Variants in ARHGEF3 observed in about 807,000 individuals in gnomAD.
ARHGEF3 encodes 59.8 kDA protein.
Under a neutral mutation model 63.2 loss-of-function variants are expected in ARHGEF3, and 28 were observed. The observed-to-expected ratio is 0.44, with a 90% CI of 0.33 to 0.61. The LOEUF (loss-of-function observed/expected upper bound fraction) is 0.61, where lower values mean the gene tolerates loss of function less well. ARHGEF3 is among the 20% of genes least tolerant of loss of function. The probability of loss-of-function intolerance (pLI) is 0.03; values close to 1 mark genes in which losing one functional copy is unlikely to be tolerated. For synonymous variants in ARHGEF3, 266 were observed against 254.2 expected (o/e 1.05, Z -0.44); for missense variants, 533 against 659.3 (o/e 0.81, Z 2.10).
chr3:56,748,373 AGC>A (rs2034521666), intron 6 of ARHGEF3, among the ~76,000 whole-genome samples: 1 of 152,070 alleles, frequency 6.6e-6, no homozygotes, highest in African/African-American at 2.4e-5. Context: ...AGAGAACCAA[AGC>A]TACTTGCTCA....
chr3:56,784,617 TG>T (rs2036713192), intron 1 of ARHGEF3, among the ~76,000 whole-genome samples: 1 of 152,172 alleles, frequency 6.6e-6, no homozygotes, highest in Non-Finnish European at 1.5e-5. Context: ...CGCTTCCCCT[TG>T]GGTGGGGTTG....
chr3:56,800,204 T>G lies in ARHGEF3; in HGVS notation c.96+1499A>C, dbSNP rs113407627. 7.3e-3 allele frequency among the ~76,000 whole-genome samples: 1,116 copies of G among 152,340 alleles called. 14 individuals carry two copies. Among genetic ancestry groups the G allele is most frequent in the African/African-American group, 0.025 (1,024 of 41,576 alleles). On this transcript the variant is annotated intron_variant, in intron 1 of 9. Transcript: ENST00000296315. ...TAGAGTCCTCAGCTATCCTCACTATTCTTTTCTTTGGCCCACTTCAATTTA... is the reference window on the plus strand; with the variant it reads ...TAGAGTCCTCAGCTATCCTCACTATGCTTTTCTTTGGCCCACTTCAATTTA...
At chr3:56,916,491 C>A in intron 3 of ARHGEF3, 1 of 1,386,250 alleles carries the variant, frequency 7.2e-7, no homozygotes, top group South Asian at 1.6e-5. Context: ...TGACAGGGGC[C>A]ATCAGTTACA....
chr3:56,745,764 C>T (rs974896441), intron 6 of ARHGEF3, among the ~76,000 whole-genome samples: 3 of 152,114 alleles, frequency 2.0e-5, no homozygotes, highest in East Asian at 1.9e-4. Context: ...CTCCACCTCC[C>T]GGGTTCACGC....
chr3:56,948,379 T>C (rs1173352139), intron 3 of ARHGEF3, among the ~76,000 whole-genome samples: 5 of 152,004 alleles, frequency 3.3e-5, no homozygotes, highest in Non-Finnish European at 5.9e-5. Flanking sequence ...GATAGACCAC[T>C]AGCAAGACTA....
At chr3:57,050,392 C>T (rs1034068531) in intron 1 of ARHGEF3, among the ~76,000 whole-genome samples, 1 of 152,266 alleles carries the variant, frequency 6.6e-6, no homozygotes, top group Non-Finnish European at 1.5e-5. Context: ...TTCCTGCTTC[C>T]ACCCTGGAAG....
At chr3:56,981,017 A>G (rs900921237) in intron 2 of ARHGEF3, among the ~76,000 whole-genome samples, 4 of 152,202 alleles carry the variant, frequency 2.6e-5, no homozygotes, top group Admixed American at 2.6e-4. Flanking sequence ...CCACCATTCA[A>G]CACAAATGCT....
At chr3:56,978,612 AGAAT>A (rs2106888701) in intron 2 of ARHGEF3, among the ~76,000 whole-genome samples, 2 of 152,380 alleles carry the variant, frequency 1.3e-5, no homozygotes, top group South Asian at 4.1e-4. Flanking sequence ...AATGCAAGAA[AGAAT>A]GTGGAGAAAA....
intron 1 of ARHGEF3, among the ~76,000 whole-genome samples, chr3:57,077,762 C>CA (rs1706283779): frequency 6.6e-6 from 1 of 152,170 alleles, no homozygotes; most frequent in Non-Finnish European, 1.5e-5. Context: ...AATCACACCC[C>CA]AGAGCTTCCA....
rs114629922 is a variant in ARHGEF3 at position 56,916,503 on chromosome 3, G to C, written c.130-34149C>G. 1,919 of 1,378,838 alleles carry C rather than the reference G, an allele frequency of 1.4e-3. 21 individuals are homozygous for C. In the African/African-American group the frequency reaches 0.024, roughly 17 times the overall value. The allele number at this position is 1,378,838 out of a possible 1,614,324, so 85.4% of individuals were successfully genotyped here. ...AAGTGACAGGGGCCATCAGTTACAA[G>C]TGTCAGAGGCTGAGAGCCGCACCAG... On this transcript the variant is annotated intron_variant, in intron 3 of 12. Transcript: ENST00000338458.
At chr3:57,051,016 G>A (rs960755423) in intron 1 of ARHGEF3, among the ~76,000 whole-genome samples, 4 of 152,204 alleles carry the variant, frequency 2.6e-5, no homozygotes, top group South Asian at 2.1e-4. Context: ...GACATATTTC[G>A]GAATTCATAA....
chr3:56,802,010 C>T (rs1022576253), upstream of ARHGEF3: 2 of 542,756 alleles, frequency 3.7e-6, no homozygotes, highest in Admixed American at 6.4e-5. Flanking sequence ...GGGGAGGGGG[C>T]GGGCCGCCGG....
At position 56,801,851 on chromosome 3, in the gene ARHGEF3, C is replaced by T. The variant is rs2037670911; in HGVS notation, c.-53G>A. 1.9e-6 allele frequency: 3 copies of T among 1,551,482 alleles called. No homozygotes were observed. In the African/African-American group the frequency reaches 4.1e-5, roughly 21 times the overall value. ...TGTCACCGCTGACCCTAGGCGACTA[C>T]AAAACTCCCAGGCAAAAGGGGGCCC... On this transcript the variant is annotated 5_prime_UTR_variant, in exon 1 of 10. Coordinates refer to ENST00000296315, the MANE Select transcript of ARHGEF3 (RefSeq NM_019555.3).
At chr3:56,840,295 G>A (rs563251678) in intron 4 of ARHGEF3, among the ~76,000 whole-genome samples, 2 of 152,124 alleles carry the variant, frequency 1.3e-5, no homozygotes, top group Non-Finnish European at 2.9e-5. Context: ...ATCCAATGGT[G>A]TATTTACTAT....
chr3:56,888,228 GA>G (rs936332551), intron 3 of ARHGEF3, among the ~76,000 whole-genome samples: 5 of 151,666 alleles, frequency 3.3e-5, no homozygotes, highest in African/African-American at 1.2e-4. Context: ...CCACTCCTAC[GA>G]AAAGGAATGT....
chr3:57,008,555 C>T (rs1034274279), intron 2 of ARHGEF3, among the ~76,000 whole-genome samples: 3 of 152,052 alleles, frequency 2.0e-5, no homozygotes, highest in African/African-American at 7.2e-5. Flanking sequence ...TGGCTCACAG[C>T]AACTTCTGTC....
intron 2 of ARHGEF3, among the ~76,000 whole-genome samples, chr3:56,975,445 A>C (rs1338304197): frequency 6.6e-6 from 1 of 152,098 alleles, no homozygotes; most frequent in Non-Finnish European, 1.5e-5. Context: ...ATAAATAAAA[A>C]ATAAAGAACC....
intron 3 of ARHGEF3, among the ~76,000 whole-genome samples, chr3:56,923,877 G>A (rs2042213443): frequency 6.6e-6 from 1 of 152,212 alleles, no homozygotes; most frequent in African/African-American, 2.4e-5. Flanking sequence ...AACCAAATGA[G>A]ACAGGTGGAA....
At chr3:56,988,674 T>C (rs185959162) in intron 2 of ARHGEF3, among the ~76,000 whole-genome samples, 1 of 152,308 alleles carries the variant, frequency 6.6e-6, no homozygotes, top group East Asian at 1.9e-4. Context: ...CTCTGGTTTT[T>C]GCAACTGTCT....
Sources: gnomAD v4.1 joint callset for allele counts (sites outside exome capture counted in the v4.1 genomes callset) on GRCh38, gnomAD v4.1.1 for gene constraint, MANE v1.5 for transcripts, NCBI Gene and HGNC (gene_info 2026-07-23, HGNC 2026-07-21) for gene names.